The following LPP variants were observed in gnomAD, a reference collection of about 807,000 sequenced individuals.
LPP encodes the protein lipoma-preferred partner.
Under a neutral mutation model 60.4 loss-of-function variants are expected in LPP, and 38 were observed. The ratio of observed to expected loss-of-function variants is 0.63; its 90% CI spans 0.49 to 0.83. The LOEUF (loss-of-function observed/expected upper bound fraction) is 0.83. LPP is among the 40% of genes least tolerant of loss of function. The pLI is 0.00. For synonymous variants in LPP, 328 were observed against 290.8 expected (o/e 1.13, Z -1.30); for missense variants, 902 against 783.6 (o/e 1.15, Z -1.80).
At chr3:188,333,581 T>C (rs1360684760) in intron 2 of LPP, among the ~76,000 whole-genome samples, 1 of 152,254 alleles carries the variant, frequency 6.6e-6, no homozygotes, top group African/African-American at 2.4e-5. Flanking sequence ...TGAGTTCTGC[T>C]TAATTAGTTA....
At chr3:188,170,998 C>T (rs1194760911) in intron 1 of LPP, among the ~76,000 whole-genome samples, 1 of 152,082 alleles carries the variant, frequency 6.6e-6, no homozygotes, top group Non-Finnish European at 1.5e-5. Context: ...CTCAGCAATA[C>T]CTTCCTTGTT....
At chr3:188,855,990 G>A (rs1763736907) in intron 9 of LPP, among the ~76,000 whole-genome samples, 1 of 152,114 alleles carries the variant, frequency 6.6e-6, no homozygotes, top group South Asian at 2.1e-4. Context: ...CCAAAGATAA[G>A]TCTTTTTCTC....
At chr3:188,313,771 G>A (rs556756119) in intron 2 of LPP, among the ~76,000 whole-genome samples, 1 of 152,058 alleles carries the variant, frequency 6.6e-6, no homozygotes, top group Non-Finnish European at 1.5e-5. Context: ...GAATACTAAT[G>A]CCTTTCCATT....
intron 9 of LPP, among the ~76,000 whole-genome samples, chr3:188,834,871 A>G (rs961897464): frequency 1.3e-5 from 2 of 152,182 alleles, no homozygotes; most frequent in South Asian, 2.1e-4. Flanking sequence ...ATTATGTCCA[A>G]TGGTTTGGAG....
chr3:188,857,868 T>G (rs1764211029), intron 9 of LPP, among the ~76,000 whole-genome samples: 1 of 152,234 alleles, frequency 6.6e-6, no homozygotes, highest in African/African-American at 2.4e-5. Flanking sequence ...GTAGTTACAT[T>G]AAATGATCAA....
chr3:188,699,762 C>T (rs1024738787), intron 7 of LPP, among the ~76,000 whole-genome samples: 2 of 152,096 alleles, frequency 1.3e-5, no homozygotes, highest in Non-Finnish European at 2.9e-5. Context: ...TTCTCTGTGG[C>T]CATCGCTTTT....
Position 188,885,607 on chromosome 3 carries a change from A to C in LPP, c.*11128A>C, listed in dbSNP as rs1033422874. On this transcript the variant is annotated 3_prime_UTR_variant, in exon 12 of 12. Coordinates refer to ENST00000617246, the MANE Select transcript of LPP (RefSeq NM_001375462.1). ...AGTGCCGCAATAAACATAAGTGTGC[A>C]TGTGTCTTTATAGCAGCATGATTTA... 6.3e-6 allele frequency: 1 copy of C among 159,650 alleles called. No individual in the cohort carries two copies. Among genetic ancestry groups the C allele is most frequent in the Non-Finnish European group, 1.4e-5 (1 of 72,268 alleles). The allele number at this position is 159,650 out of a possible 1,614,324, so 9.9% of individuals were successfully genotyped here.
At chr3:188,733,991 G>A (rs193001345) in intron 8 of LPP, among the ~76,000 whole-genome samples, 1 of 152,066 alleles carries the variant, frequency 6.6e-6, no homozygotes, top group African/African-American at 2.4e-5. Context: ...TTCCTAAGAA[G>A]TGTGTATATG....
In LPP at chr3:188,555,861, T is replaced by C. The variant is rs556618989; in HGVS notation, c.429+31074T>C. ...ATATAGGTGTAGGTGTCAGCAGATA[T>C]ACATTTAGAGCTTTGAGCCTGGATC... On this transcript the variant is annotated intron_variant, in intron 6 of 11. Transcript: ENST00000617246. Among the ~76,000 whole-genome samples, 14 of 152,176 alleles carry C rather than the reference T, an allele frequency of 9.2e-5. No homozygotes were observed. In the East Asian group the frequency reaches 2.1e-3, roughly 23 times the overall value.
intron 5 of LPP, among the ~76,000 whole-genome samples, chr3:188,491,604 G>A (rs1250036321): frequency 6.6e-6 from 1 of 152,160 alleles, no homozygotes; most frequent in Admixed American, 6.5e-5. Context: ...AGCTTGCTTT[G>A]CAATTATCTC....
intron 3 of LPP, among the ~76,000 whole-genome samples, chr3:188,376,352 AG>A (rs1775083378): frequency 6.6e-6 from 1 of 152,052 alleles, no homozygotes; most frequent in African/African-American, 2.4e-5. Context: ...GTCTCTTTGT[AG>A]GTCACTAAGG....
chr3:188,489,012 G>A (rs150755902), intron 5 of LPP, among the ~76,000 whole-genome samples: 2 of 152,254 alleles, frequency 1.3e-5, no homozygotes, highest in East Asian at 3.9e-4. Flanking sequence ...GCAAGTATTA[G>A]TATTATATAA....
intron 1 of LPP, among the ~76,000 whole-genome samples, chr3:188,210,073 A>T (rs1180383842): frequency 9.9e-5 from 13 of 131,922 alleles, no homozygotes; most frequent in South Asian, 2.6e-4. Flanking sequence ...CGAAAATATT[A>T]AAAAAAAAAA....
intron 7 of LPP, among the ~76,000 whole-genome samples, chr3:188,695,048 G>A (rs773210594): frequency 1.3e-5 from 2 of 152,028 alleles, no homozygotes. Context: ...TTATTATCAC[G>A]GTAATCTTTG....
At chr3:188,753,864 T>A (rs1729093012) in intron 8 of LPP, among the ~76,000 whole-genome samples, 1 of 152,208 alleles carries the variant, frequency 6.6e-6, no homozygotes, top group Admixed American at 6.6e-5. Context: ...ACTAGCCACG[T>A]ACCTGTTGAA....
intron 1 of LPP, among the ~76,000 whole-genome samples, chr3:188,156,899 C>T (rs1039371206): frequency 4.6e-5 from 7 of 150,582 alleles, no homozygotes; most frequent in African/African-American, 7.4e-5. Flanking sequence ...TTCATTTACT[C>T]GACATAGGTT....
intron 1 of LPP, among the ~76,000 whole-genome samples, chr3:188,170,622 T>A (rs1721322982): frequency 6.6e-6 from 1 of 151,808 alleles, no homozygotes; most frequent in Admixed American, 6.6e-5. Flanking sequence ...TGAGCCACCA[T>A]GCCCAGCCGA....
intron 2 of LPP, among the ~76,000 whole-genome samples, chr3:188,332,093 C>T (rs1358908582): frequency 1.3e-5 from 2 of 152,074 alleles, no homozygotes; most frequent in Non-Finnish European, 1.5e-5. Flanking sequence ...TTTCTTCTCT[C>T]TTTAAATTTT....
chr3:188,178,976 G>GAGAGAGAGAGCACGACAA lies in LPP; in HGVS notation c.-190+24735_-190+24752dup, dbSNP rs1491198936. The stretch of plus-strand genomic sequence containing the variant: ...AGAGGTGGGGAGTGGGAGAGAGAGG[G>GAGAGAGAGAGCACGACAA]AGAGAGAGAGCACGACAAAGAGAGA... On this transcript the variant is annotated intron_variant, in intron 1 of 11. Transcript: ENST00000617246. 7.7e-5 allele frequency: 22 copies of GAGAGAGAGAGCACGACAA among 284,584 alleles called. No individual in the cohort carries two copies. In the Admixed American group the frequency reaches 9.6e-4, roughly 12 times the overall value. The allele number at this position is 284,584 out of a possible 1,614,324, so 17.6% of individuals were successfully genotyped here.
Sources: allele counts gnomAD v4.1 joint callset (sites outside exome capture counted in the v4.1 genomes callset), GRCh38; gene constraint gnomAD v4.1.1; transcripts MANE v1.5; gene names NCBI Gene and HGNC (gene_info 2026-07-23, HGNC 2026-07-21).